The following GTF3C5 variants were observed in gnomAD, a reference collection of about 807,000 sequenced individuals.
GTF3C5 encodes the protein general transcription factor IIIC subunit 5.
In GTF3C5, 47 loss-of-function variants were observed where a neutral mutation model predicts 61.0. The observed-to-expected ratio is 0.77, with a 90% confidence interval of 0.61 to 0.98. The LOEUF is 0.98. Among genes scored for constraint, GTF3C5 ranks in the 50% least tolerant of loss-of-function variants. GTF3C5 has a pLI of 0.00. For synonymous variants in GTF3C5, 295 were observed against 275.4 expected (o/e 1.07, Z -0.71); for missense variants, 659 against 703.3 (o/e 0.94, Z 0.71).
At position 133,031,133 on chromosome 9, in the gene GTF3C5, C is replaced by T. The variant is rs566695604; in HGVS notation, c.122C>T (p.Pro41Leu). Reference protein sequence around the residue: ...GVVRDVAKMLPTLGGEEGVSR... With the variant: ...GVVRDVAKMLLTLGGEEGVSR... ...GTGCGTGATGTGGCTAAGATGCTGC[C>T]GACTCTGGGCGGCGAGGAAGGCGTC... is the stretch of plus-strand genomic sequence containing the variant. Residue 41 changes from proline (P) to leucine (L), a missense_variant, in exon 1 of 11, where the codon CCG becomes CTG. Physicochemically the swap from Pro to Leu is moderately conservative, Grantham distance 98 (BLOSUM62 -3). Transcript: ENST00000372097. 1.3e-6 allele frequency: 2 copies of T among 1,592,404 alleles called. No individual in the cohort carries two copies. The highest frequency in any genetic ancestry group is 1.1e-5 in the South Asian group (1 of 88,584).
In GTF3C5 at chr9:133,042,193, G is replaced by C; in HGVS notation, c.260G>C (p.Arg87Pro). Reference protein sequence around the residue: ...NRFSTSSLLLRIRKRTRRQKG... With the variant: ...NRFSTSSLLLPIRKRTRRQKG... ...TTCAGTACCAGCAGCCTGCTGCTCC[G>C]CATCAGGAAGAGAACGAGGCGGCAG... Residue 87 changes from arginine to proline, a missense_variant, in exon 2 of 11, where the codon CGC becomes CCC. Arg to Pro is a moderately radical substitution (Grantham distance 103, BLOSUM62 -2). Transcript: ENST00000372097. 2 of 1,613,628 alleles carry C rather than the reference G, an allele frequency of 1.2e-6. No homozygotes were observed. The highest frequency in any genetic ancestry group is 1.7e-6 in the Non-Finnish European group (2 of 1,179,500).
intron 1 of GTF3C5, among the ~76,000 whole-genome samples, chr9:133,034,006 T>A (rs1291154247): frequency 1.3e-5 from 2 of 152,082 alleles, no homozygotes; most frequent in Non-Finnish European, 2.9e-5. Flanking sequence ...CCGCCGATGG[T>A]CCAGTCAACC....
intron 2 of GTF3C5, 117 bp from the exon 3 acceptor site, chr9:133,043,611 C>A: frequency 2.5e-6 from 2 of 789,726 alleles, no homozygotes; most frequent in Non-Finnish European, 2.1e-6. Context: ...CACCCTCACC[C>A]TGCAGCCTCC....
chr9:133,051,023 G>C, intron 4 of GTF3C5, 45 bp downstream of exon 4: 1 of 1,447,470 alleles, frequency 6.9e-7, no homozygotes, highest in Non-Finnish European at 9.3e-7. Flanking sequence ...CAGCCTCTCT[G>C]TTGGCTTCCC....
chr9:133,048,365 T>C (rs1263455530), intron 3 of GTF3C5, among the ~76,000 whole-genome samples: 3 of 151,908 alleles, frequency 2.0e-5, no homozygotes, highest in African/African-American at 4.8e-5. Flanking sequence ...GGTGTGGTGG[T>C]GGGCGCCTGT....
intron 8 of GTF3C5, 169 bp from the exon 9 acceptor site, chr9:133,055,843 T>A (rs2053507149): frequency 2.8e-6 from 4 of 1,416,024 alleles, no homozygotes; most frequent in Admixed American, 5.6e-5. Context: ...AGTTGGACAT[T>A]GTTTTTTCCC....
chr9:133,045,257 A>G (rs1405747114), intron 3 of GTF3C5, among the ~76,000 whole-genome samples: 1 of 152,104 alleles, frequency 6.6e-6, no homozygotes, highest in Non-Finnish European at 1.5e-5. Flanking sequence ...CCTGGGAGCA[A>G]TTCCCCAGGG....
intron 6 of GTF3C5, 67 bp downstream of exon 6, chr9:133,054,009 C>T (rs1177581201): frequency 5.0e-6 from 5 of 997,156 alleles, no homozygotes; most frequent in Non-Finnish European, 7.7e-6. Flanking sequence ...CTAGCATTCT[C>T]TTTTGTAGTA....
chr9:133,043,783 G>A lies in GTF3C5; in HGVS notation c.429G>A (p.Thr143=), dbSNP rs150454891. The change falls in exon 3 of 11, where the codon ACG becomes ACA. Residue 143 remains threonine (T), a synonymous_variant. Transcript: ENST00000372097. ...ATACGGAAGCAGGCGGCAAGCATAC[G>A]TCAATGTATGACAAGGTGCTCATGC... ...AVHTEAGGKH[T]SMYDKVLMLR... The A allele has an allele frequency of 1.0e-3, 1,631 of 1,614,126 alleles. 14 individuals carry two copies. The African/African-American group carries it at 0.019, about 19-fold the overall frequency.
At chr9:133,047,679 G>A (rs1198162487) in intron 3 of GTF3C5, among the ~76,000 whole-genome samples, 2 of 152,024 alleles carry the variant, frequency 1.3e-5, no homozygotes, top group Non-Finnish European at 2.9e-5. Context: ...GCGCCATCAC[G>A]CCCAGCTAAC....
chr9:133,053,793 C>A, intron 5 of GTF3C5, 35 bp from the exon 6 acceptor site: 1 of 1,409,790 alleles, frequency 7.1e-7, no homozygotes, highest in Non-Finnish European at 1.0e-6. Context: ...TGGGCCTTCA[C>A]CTCACCTCAC....
At position 133,054,965 on chromosome 9, in the gene GTF3C5, G is replaced by T. The variant is rs866918644; in HGVS notation, c.1167+156G>T. The T allele has an allele frequency of 8.4e-6, 13 of 1,551,658 alleles. No homozygotes were observed. The African/African-American group carries it at 1.5e-4, about 18-fold the overall frequency. On this transcript the variant is annotated intron_variant, in intron 8 of 10. Transcript: ENST00000372097. Reference sequence around the variant, plus strand: ...TTAGGTCAGCCTTCAGACACTGAGGGTGAGAACTCGGGTGCAAAGCCCCAG... The same window carrying T: ...TTAGGTCAGCCTTCAGACACTGAGGTTGAGAACTCGGGTGCAAAGCCCCAG...
intron 1 of GTF3C5, among the ~76,000 whole-genome samples, chr9:133,032,425 T>A (rs1588459712): frequency 6.6e-6 from 1 of 151,734 alleles, no homozygotes; most frequent in Non-Finnish European, 1.5e-5. Context: ...ACAGAGCGGG[T>A]AACTAAGGGC....
chr9:133,050,776 C>T lies in GTF3C5; in HGVS notation c.573-7C>T. 2 of 1,605,692 alleles carry T rather than the reference C, an allele frequency of 1.2e-6. No homozygotes were observed. The highest frequency in any genetic ancestry group is 1.7e-6 in the Non-Finnish European group (2 of 1,174,712). ...CTCCTGTTCTCACCTGTACTCTCTG[C>T]CCCCAGGGAAGGCTACAACAATCCC... is the stretch of plus-strand genomic sequence containing the variant. On this transcript the variant is annotated splice_polypyrimidine_tract_variant and splice_region_variant and intron_variant, in intron 3 of 10. Transcript: ENST00000372097.
intron 10 of GTF3C5, among the ~76,000 whole-genome samples, chr9:133,057,448 C>T (rs1053900289): frequency 2.8e-4 from 42 of 152,312 alleles, no homozygotes; most frequent in African/African-American, 1.0e-3. Context: ...CATCCTGGAC[C>T]CAGCCACGCC....
chr9:133,057,419 C>T (rs1478176163), intron 10 of GTF3C5, among the ~76,000 whole-genome samples: 1 of 152,196 alleles, frequency 6.6e-6, no homozygotes, highest in East Asian at 1.9e-4. Context: ...GGGAACTCCT[C>T]CCAGGCTTGG....
At chr9:133,033,629 G>A (rs1006278571) in intron 1 of GTF3C5, among the ~76,000 whole-genome samples, 1 of 152,116 alleles carries the variant, frequency 6.6e-6, no homozygotes, top group Non-Finnish European at 1.5e-5. Context: ...AGCTCGGCAC[G>A]ATTTATCACC....
Position 133,050,807 on chromosome 9 carries a change from C to A in GTF3C5, c.597C>A (p.Ile199=), listed in dbSNP as rs772851246. The change falls in exon 4 of 11, where the codon ATC becomes ATA. Residue 199 remains isoleucine, a synonymous_variant. Coordinates refer to ENST00000372097, the MANE Select transcript of GTF3C5 (RefSeq NM_012087.4). ...QHREGYNNPP[I]SGENLIGLSR... ...GGGAAGGCTACAACAATCCCCCCAT[C>A]TCAGGTGAGAATCTGATTGGCCTGA... 6.2e-7 allele frequency: 1 copy of A among 1,613,744 alleles called. No homozygotes were observed. The highest frequency in any genetic ancestry group is 8.5e-7 in the Non-Finnish European group (1 of 1,179,746).
At position 133,052,162 on chromosome 9, in the gene GTF3C5, A is replaced by G. The variant is rs779568318; in HGVS notation, c.871A>G (p.Met291Val). 1.1e-5 allele frequency: 17 copies of G among 1,538,760 alleles called. No individual in the cohort carries two copies. The highest frequency in any genetic ancestry group is 1.7e-4 in the Middle Eastern group (1 of 5,894). ...KVLLPFIAYY[M>V]ITGPWRSLWI... ...CTTGCTTCCCTTCATAGCCTATTACATGGTAAGTGTCAGCTGCCCACCCAC... is the reference window on the plus strand; with the variant it reads ...CTTGCTTCCCTTCATAGCCTATTACGTGGTAAGTGTCAGCTGCCCACCCAC... The change falls in exon 5 of 11, where the codon ATG becomes GTG. Residue 291 changes from methionine to valine, a missense_variant and splice_region_variant. Transcript: ENST00000372097.
Sources: allele counts gnomAD v4.1 joint callset (sites outside exome capture counted in the v4.1 genomes callset), GRCh38; gene constraint gnomAD v4.1.1; transcripts MANE v1.5; gene names NCBI Gene and HGNC (gene_info 2026-07-23, HGNC 2026-07-21).